ATRNL1: variants seen among roughly 807,000 people sequenced by gnomAD.
The protein encoded by ATRNL1 is attractin-like protein 1.
ATRNL1 carries 95 observed loss-of-function variants against 182.7 expected under a neutral mutation model. That is an observed-to-expected ratio of 0.52 (90% CI 0.44 to 0.62). The LOEUF is 0.62. Among genes scored for constraint, ATRNL1 ranks in the 20% least tolerant of loss-of-function variants. The pLI is 0.00. For synonymous variants in ATRNL1, 576 were observed against 568.3 expected, an observed-to-expected ratio of 1.01 and a Z score of -0.19; for missense variants, 1,471 against 1,679.5, an observed-to-expected ratio of 0.88 and a Z score of 2.17.
At chr10:115,200,031 A>G (rs540412839) in intron 8 of ATRNL1, among the ~76,000 whole-genome samples, 11 of 152,086 alleles carry the variant, frequency 7.2e-5, no homozygotes, top group Admixed American at 5.2e-4. Context: ...TGTGCAGTGG[A>G]CCAGAGTATA....
At position 115,184,372 on chromosome 10, in the gene ATRNL1, A is replaced by G. The variant is rs1232538585; in HGVS notation, c.1348+13080A>G. The stretch of plus-strand genomic sequence containing the variant: ...AGATTATATATATATATACACACAC[A>G]TAAACACACACACAACTATGTATAT... On this transcript the variant is annotated intron_variant, in intron 8 of 28. Transcript: ENST00000355044. Among the ~76,000 whole-genome samples, 23 of 151,530 alleles carry G rather than the reference A, an allele frequency of 1.5e-4. No individual in the cohort carries two copies. The Admixed American group carries it at 1.5e-3, about 10-fold the overall frequency.
At chr10:115,382,348 A>G (rs1441061183) in intron 19 of ATRNL1, among the ~76,000 whole-genome samples, 1 of 152,046 alleles carries the variant, frequency 6.6e-6, no homozygotes, top group Non-Finnish European at 1.5e-5. Context: ...ATTTATTTAT[A>G]CCATCTTTAA....
At chr10:115,408,622 C>T (rs575304363) in intron 20 of ATRNL1, among the ~76,000 whole-genome samples, 26 of 152,112 alleles carry the variant, frequency 1.7e-4, no homozygotes, top group Admixed American at 5.9e-4. Flanking sequence ...CTTTTGAAGT[C>T]TTATTCATAA....
At chr10:115,281,577 C>A in intron 14 of ATRNL1, 90 bp downstream of exon 14, 1 of 1,302,010 alleles carries the variant, frequency 7.7e-7, no homozygotes. Context: ...ACTACATTTT[C>A]TAAAATTAAA....
At chr10:115,384,816 C>T (rs1007120134) in intron 19 of ATRNL1, among the ~76,000 whole-genome samples, 2 of 150,976 alleles carry the variant, frequency 1.3e-5, no homozygotes, top group Non-Finnish European at 3.0e-5. Flanking sequence ...ATAGAACTTT[C>T]GTTTCTGATT....
chr10:115,615,544 C>A (rs561217769), intron 26 of ATRNL1, among the ~76,000 whole-genome samples: 6 of 152,120 alleles, frequency 3.9e-5, no homozygotes, highest in African/African-American at 1.4e-4. Context: ...TGGTTTGGAT[C>A]TGTGTCCCCA....
chr10:115,726,473 A>G (rs1555060116), intron 26 of ATRNL1, among the ~76,000 whole-genome samples: 1 of 152,230 alleles, frequency 6.6e-6, no homozygotes, highest in Admixed American at 6.5e-5. Flanking sequence ...TTTTTTTATC[A>G]TGACTTAATG....
At chr10:115,500,179 G>A (rs1356964997) in intron 24 of ATRNL1, among the ~76,000 whole-genome samples, 11 of 152,122 alleles carry the variant, frequency 7.2e-5, no homozygotes, top group African/African-American at 2.4e-4. Flanking sequence ...TGTGGCTTAT[G>A]TATGTAAATA....
chr10:115,724,099 G>A (rs567186768), intron 26 of ATRNL1, among the ~76,000 whole-genome samples: 1 of 152,170 alleles, frequency 6.6e-6, no homozygotes, highest in African/African-American at 2.4e-5. Context: ...CTGCTATATG[G>A]CTTCTTATGG....
intron 27 of ATRNL1, among the ~76,000 whole-genome samples, chr10:115,735,537 A>G (rs1947925450): frequency 6.6e-6 from 1 of 152,208 alleles, no homozygotes; most frequent in South Asian, 2.1e-4. Context: ...TAGGCACAAT[A>G]AGAGATTAAC....
At chr10:115,875,920 C>T (rs965820380) in intron 28 of ATRNL1, among the ~76,000 whole-genome samples, 22 of 152,112 alleles carry the variant, frequency 1.4e-4, no homozygotes, top group African/African-American at 5.3e-4. Context: ...CTAGCAGAAA[C>T]TTTGAAGGAT....
intron 24 of ATRNL1, among the ~76,000 whole-genome samples, chr10:115,483,587 A>T (rs1169653811): frequency 6.6e-6 from 1 of 151,540 alleles, no homozygotes; most frequent in African/African-American, 2.4e-5. Flanking sequence ...CTAATTTACA[A>T]ATTGTAACTC....
intron 28 of ATRNL1, among the ~76,000 whole-genome samples, chr10:115,941,559 A>C (rs1953731184): frequency 6.6e-6 from 1 of 152,260 alleles, no homozygotes. Flanking sequence ...CAGTAGTTTA[A>C]TGAATAACAT....
At chr10:115,744,736 A>G (rs1555068705) in intron 27 of ATRNL1, among the ~76,000 whole-genome samples, 5 of 152,174 alleles carry the variant, frequency 3.3e-5, no homozygotes, top group African/African-American at 9.7e-5. Flanking sequence ...CACGCATAAT[A>G]CATATACACA....
rs981296059 is a variant in ATRNL1 at position 115,485,932 on chromosome 10, G to T, written c.3654+16603G>T. On this transcript the variant is annotated intron_variant, in intron 24 of 28. Coordinates refer to ENST00000355044, the MANE Select transcript of ATRNL1 (RefSeq NM_207303.4). ...CAATAGGCCCTGGTTTGTGATCCCCGCCCCCACTCCTGTCAATGTGTTCTC... is the reference window on the plus strand; with the variant it reads ...CAATAGGCCCTGGTTTGTGATCCCCTCCCCCACTCCTGTCAATGTGTTCTC... Among the ~76,000 whole-genome samples the T allele has an allele frequency of 1.1e-4, 9 of 81,462 alleles. No homozygotes were observed. The Admixed American group carries it at 1.5e-3, about 14-fold the overall frequency. The allele number at this position is 81,462 out of a possible 152,430, so 53.4% of individuals were successfully genotyped here. A position where few individuals can be genotyped will look rare whatever the true frequency, so the allele number is the denominator to read the frequency against.
intron 18 of ATRNL1, among the ~76,000 whole-genome samples, chr10:115,317,174 TC>T (rs1451752425): frequency 6.6e-6 from 1 of 152,188 alleles, no homozygotes. Context: ...GAATAGGAGA[TC>T]CTTTCCCCGT....
intron 26 of ATRNL1, among the ~76,000 whole-genome samples, chr10:115,618,462 G>T (rs1309100793): frequency 6.6e-6 from 1 of 151,656 alleles, no homozygotes; most frequent in Admixed American, 6.6e-5. Context: ...TGCAAATATT[G>T]GAACTTATTT....
intron 28 of ATRNL1, among the ~76,000 whole-genome samples, chr10:115,936,230 AC>A (rs1464226789): frequency 6.6e-6 from 1 of 152,176 alleles, no homozygotes; most frequent in African/African-American, 2.4e-5. Context: ...GATGATGAAG[AC>A]TGACATTTTT....
At chr10:115,718,691 G>A (rs189548969) in intron 26 of ATRNL1, among the ~76,000 whole-genome samples, 254 of 152,242 alleles carry the variant, frequency 1.7e-3, no homozygotes, top group Non-Finnish European at 3.1e-3. Flanking sequence ...TTTAGAGTCC[G>A]TATTTTCATT....
Sources: allele counts gnomAD v4.1 joint callset (sites outside exome capture counted in the v4.1 genomes callset), GRCh38; gene constraint gnomAD v4.1.1; transcripts MANE v1.5; gene names NCBI Gene and HGNC (gene_info 2026-07-23, HGNC 2026-07-21).